The following MARCHF1 variants were observed in gnomAD, a reference collection of about 807,000 sequenced individuals.
MARCHF1 encodes E3 ubiquitin-protein ligase MARCHF1.
Under a neutral mutation model 54.2 loss-of-function variants are expected in MARCHF1, and 40 were observed. The observed-to-expected ratio is 0.74, with a 90% confidence interval of 0.57 to 0.96. The LOEUF is 0.96. Ranked by LOEUF, MARCHF1 falls within the 40% of genes least tolerant of loss-of-function variation. The probability of loss-of-function intolerance (pLI) is 0.00; values close to 1 mark genes in which losing one functional copy is unlikely to be tolerated. For missense variants in MARCHF1, 586 were observed against 656.5 expected (o/e 0.89, Z 1.17); for synonymous variants, 236 against 236.3 (o/e 1.00, Z 0.01).
At chr4:163,814,251 G>A (rs1748472878) in intron 4 of MARCHF1, among the ~76,000 whole-genome samples, 1 of 152,054 alleles carries the variant, frequency 6.6e-6, no homozygotes, top group South Asian at 2.1e-4. Flanking sequence ...CTGGGCTTCT[G>A]GAGCTTGGGG....
chr4:164,058,493 G>T (rs999893448), intron 2 of MARCHF1, among the ~76,000 whole-genome samples: 1 of 152,160 alleles, frequency 6.6e-6, no homozygotes, highest in African/African-American at 2.4e-5. Flanking sequence ...GACCTCAGTT[G>T]CATGGCATTC....
At chr4:163,757,217 A>ATG (rs1382092605) in intron 4 of MARCHF1, among the ~76,000 whole-genome samples, 1 of 152,190 alleles carries the variant, frequency 6.6e-6, no homozygotes, top group Non-Finnish European at 1.5e-5. Context: ...GAGAGATCAT[A>ATG]TGTGTGCAAC....
intron 3 of MARCHF1, among the ~76,000 whole-genome samples, chr4:163,862,765 T>A (rs1749967479): frequency 6.6e-6 from 1 of 152,066 alleles, no homozygotes; most frequent in South Asian, 2.1e-4. Context: ...CATGCACACA[T>A]ATGCTTATAG....
chr4:163,641,060 C>A (rs958727650), intron 5 of MARCHF1, among the ~76,000 whole-genome samples: 27 of 152,008 alleles, frequency 1.8e-4, no homozygotes, highest in African/African-American at 6.0e-4. Flanking sequence ...TCATGTCAAC[C>A]TATAAGTGCA....
intron 1 of MARCHF1, among the ~76,000 whole-genome samples, chr4:164,262,165 T>G (rs1396679222): frequency 6.7e-6 from 1 of 149,966 alleles, no homozygotes; most frequent in Non-Finnish European, 1.5e-5. Context: ...TTATTTATCA[T>G]GTTCACCTCC....
chr4:163,884,675 A>G (rs1039387867), intron 3 of MARCHF1, among the ~76,000 whole-genome samples: 1 of 152,146 alleles, frequency 6.6e-6, no homozygotes, highest in African/African-American at 2.4e-5. Context: ...AATATCCTGA[A>G]CACATTCAAT....
chr4:163,829,353 T>C (rs1748950416), intron 4 of MARCHF1, among the ~76,000 whole-genome samples: 1 of 152,132 alleles, frequency 6.6e-6, no homozygotes, highest in East Asian at 1.9e-4. Flanking sequence ...AGACTAGAGG[T>C]ACTGTTTTAG....
At chr4:163,968,811 G>C (rs146877329) in intron 3 of MARCHF1, among the ~76,000 whole-genome samples, 1 of 152,158 alleles carries the variant, frequency 6.6e-6, no homozygotes, top group East Asian at 1.9e-4. Context: ...ATACGCCCTG[G>C]AAAATAAAAT....
intron 3 of MARCHF1, among the ~76,000 whole-genome samples, chr4:163,926,971 T>G (rs1329640553): frequency 6.6e-6 from 1 of 151,660 alleles, no homozygotes; most frequent in African/African-American, 2.4e-5. Context: ...AATACTAGTT[T>G]TTATTATTTT....
In MARCHF1 at chr4:164,014,692, G is replaced by A. The variant is rs749751328; in HGVS notation, c.-247-25983C>T. On this transcript the variant is annotated intron_variant, in intron 2 of 9. Transcript: ENST00000514618. ...ACATATAGATTGAAATTAAAAGAAT[G>A]GAAAAATATATTCCATGGACATGTA... Among the ~76,000 whole-genome samples the A allele has an allele frequency of 3.2e-4, 49 of 151,988 alleles. No homozygotes were observed. In the Middle Eastern group the frequency reaches 0.017, roughly 53 times the overall value.
chr4:163,535,332 A>G (rs1279196154), intron 9 of MARCHF1, among the ~76,000 whole-genome samples: 4 of 152,132 alleles, frequency 2.6e-5, no homozygotes, highest in Non-Finnish European at 5.9e-5. Flanking sequence ...TGAACTAAAA[A>G]TTCAGAGTTC....
chr4:164,014,099 G>A (rs570743600), intron 2 of MARCHF1, among the ~76,000 whole-genome samples: 1 of 151,902 alleles, frequency 6.6e-6, no homozygotes, highest in Admixed American at 6.6e-5. Flanking sequence ...GGCTGAGGCA[G>A]GAGAATTGTT....
At position 164,053,117 on chromosome 4, in the gene MARCHF1, C is replaced by T. The variant is rs530669148; in HGVS notation, c.-248+58471G>A. ...TCAAAATATGTAGTTATTGGGGGAG[C>T]ATATTGATTTAGAGAACATTTTGTG... On this transcript the variant is annotated intron_variant, in intron 2 of 9. Coordinates refer to ENST00000514618, the MANE Select transcript of MARCHF1 (RefSeq NM_001394959.1). Among the ~76,000 whole-genome samples, 31 of 152,130 alleles carry T rather than the reference C, an allele frequency of 2.0e-4. No homozygotes were observed. In the South Asian group the frequency reaches 6.0e-3, roughly 30 times the overall value.
intron 1 of MARCHF1, among the ~76,000 whole-genome samples, chr4:164,119,300 A>G (rs1756012759): frequency 6.6e-6 from 1 of 151,678 alleles, no homozygotes; most frequent in Non-Finnish European, 1.5e-5. Context: ...AAATATCTCA[A>G]AAAATAATGA....
chr4:163,980,554 AG>A (rs1477519341), intron 3 of MARCHF1, among the ~76,000 whole-genome samples: 1 of 152,182 alleles, frequency 6.6e-6, no homozygotes, highest in East Asian at 1.9e-4. Context: ...GCACAGCAAA[AG>A]GGGCCCTTTA....
chr4:163,824,258 T>G (rs559771099), intron 4 of MARCHF1, among the ~76,000 whole-genome samples: 1 of 152,126 alleles, frequency 6.6e-6, no homozygotes, highest in East Asian at 1.9e-4. Context: ...AGGCTTATTT[T>G]ATTTTTTATA....
At chr4:164,142,187 G>C (rs183903321) in intron 1 of MARCHF1, among the ~76,000 whole-genome samples, 4 of 152,172 alleles carry the variant, frequency 2.6e-5, no homozygotes, top group Non-Finnish European at 5.9e-5. Flanking sequence ...ACGGAGACTC[G>C]CTGATTGCTA....
At chr4:164,351,110 C>T (rs1219549682) in intron 1 of MARCHF1, among the ~76,000 whole-genome samples, 2 of 152,212 alleles carry the variant, frequency 1.3e-5, no homozygotes, top group South Asian at 2.1e-4. Context: ...TCGGAGGGTC[C>T]TACCCCACGG....
intron 1 of MARCHF1, among the ~76,000 whole-genome samples, chr4:164,316,316 C>T (rs1223924883): frequency 1.3e-5 from 2 of 152,122 alleles, no homozygotes; most frequent in East Asian, 3.9e-4. Context: ...ACGAATAAGT[C>T]ATACTAGCAA....
Sources: allele counts gnomAD v4.1 joint callset (sites outside exome capture counted in the v4.1 genomes callset), GRCh38; gene constraint gnomAD v4.1.1; transcripts MANE v1.5; gene names NCBI Gene and HGNC (gene_info 2026-07-23, HGNC 2026-07-21).